The following CEP295NL variants were observed in gnomAD, a reference collection of about 807,000 sequenced individuals.
CEP295NL encodes protein DDC8 homolog.
A neutral mutation model predicts 4.6 loss-of-function variants in CEP295NL; 3 were observed. That is an observed-to-expected ratio of 0.65 (90% CI 0.30 to 1.69). The LOEUF is 1.69. Among genes scored for constraint, CEP295NL ranks in the 40% most tolerant of loss-of-function variants. The pLI is 0.10. For synonymous variants in CEP295NL, 295 were observed against 312.2 expected (o/e 0.94, Z 0.58); for missense variants, 719 against 769.0 (o/e 0.93, Z 0.77).
At chr17:78,901,499 T>G (rs1478691014) in intron 2 of CEP295NL, among the ~76,000 whole-genome samples, 1 of 151,776 alleles carries the variant, frequency 6.6e-6, no homozygotes, top group Non-Finnish European at 1.5e-5. Context: ...AGGAGGAGAA[T>G]GAACTCCTTT....
chr17:78,891,870 G>A lies in CEP295NL; in HGVS notation c.634C>T (p.Arg212Trp), dbSNP rs935785248. The change falls in exon 3 of 3, where the codon CGG becomes TGG. Residue 212 changes from arginine (R) to tryptophan (W), a missense_variant. Physicochemically the swap from Arg to Trp is moderately radical, Grantham distance 101. Transcript: ENST00000322630. This position sits in a 1 kb window ranked among gnomAD's most constrained non-coding sequence, Gnocchi z 4.5. ...EKPQTTKATG[R>W]MNSHLAPPEK... Reference sequence around the variant, plus strand: ...GGCGGGGCCAGGTGAGAATTCATCCGACCCGTGGCTTTTGTAGTCTGTGGT... The same window carrying A: ...GGCGGGGCCAGGTGAGAATTCATCCAACCCGTGGCTTTTGTAGTCTGTGGT... 37 of 1,550,534 alleles carry A rather than the reference G, an allele frequency of 2.4e-5. No individual in the cohort carries two copies. The highest frequency in any genetic ancestry group is 7.3e-5 in the East Asian group (3 of 40,926).
chr17:78,900,764 GA>G (rs1246636055), intron 2 of CEP295NL, among the ~76,000 whole-genome samples: 1 of 152,120 alleles, frequency 6.6e-6, no homozygotes, highest in Non-Finnish European at 1.5e-5. Flanking sequence ...AATCTTACAA[GA>G]TAAAAAAAGG....
intron 2 of CEP295NL, chr17:78,899,349 A>C (rs9890542): frequency 0.52 from 78,802 of 152,268 alleles, 20,644 homozygotes; most frequent in African/African-American, 0.59. Flanking sequence ...TCTAACTGAG[A>C]GACCTGGGTT....
chr17:78,902,170 G>A (rs1041441822), intron 1 of CEP295NL, among the ~76,000 whole-genome samples: 2 of 152,158 alleles, frequency 1.3e-5, no homozygotes, highest in Admixed American at 1.3e-4. Flanking sequence ...GCAGTGGTGC[G>A]ATCTCAGCTT....
In CEP295NL at chr17:78,891,024, C is replaced by T; in HGVS notation, c.1480G>A (p.Asp494Asn). ...CTGGATGCCGTCGAGCCCACTCTGT[C>T]TGCCTGGTCTTGAAGGTGGAGCTGA... ...SLQLHLQDQA[D>N]RVGSTASRQR... Residue 494 changes from aspartate to asparagine, a missense_variant, in exon 3 of 3, where the codon GAC (aspartate) becomes AAC (asparagine). Transcript: ENST00000322630. The surrounding 1 kb of genome is among the most constrained non-coding windows in gnomAD (Gnocchi z 4.5). The T allele has an allele frequency of 6.4e-7, 1 of 1,551,240 alleles. No individual in the cohort carries two copies. Among genetic ancestry groups the T allele is most frequent in the East Asian group, 2.4e-5 (1 of 40,926 alleles).
chr17:78,897,009 C>T (rs1309464983), intron 2 of CEP295NL: 6 of 985,244 alleles, frequency 6.1e-6, no homozygotes, highest in African/African-American at 5.2e-5. Context: ...CCTGGGCGGC[C>T]GCTCAGACAG....
In CEP295NL at chr17:78,891,664, T is replaced by G; in HGVS notation, c.840A>C (p.Gln280His). 6.4e-7 allele frequency: 1 copy of G among 1,551,072 alleles called. No homozygotes were observed. The highest frequency in any genetic ancestry group is 8.7e-7 in the Non-Finnish European group (1 of 1,147,106). ...EKGTARAGRR[Q>H]LGKGAVCFVP... is the part of the protein sequence containing the mutation. ...CAAAGCAAACTGCCCCCTTTCCCAG[T>G]TGCCTCCTCCCCGCCCGAGCTGTTC... Residue 280 changes from glutamine (Q) to histidine (H), a missense_variant, in exon 3 of 3, where the codon CAA becomes CAC. Coordinates refer to ENST00000322630, the MANE Select transcript of CEP295NL (RefSeq NM_001243540.2). The surrounding 1 kb of genome is among the most constrained non-coding windows in gnomAD (Gnocchi z 4.5).
intron 2 of CEP295NL, among the ~76,000 whole-genome samples, chr17:78,901,532 A>C (rs1316260495): frequency 6.6e-6 from 1 of 152,134 alleles, no homozygotes; most frequent in African/African-American, 2.4e-5. Context: ...CCCACTGACC[A>C]AAGGTCCTAG....
Position 78,891,149 on chromosome 17 carries a change from G to A in CEP295NL, c.1355C>T (p.Pro452Leu). 1.3e-6 allele frequency: 2 copies of A among 1,550,648 alleles called. No individual in the cohort carries two copies. The highest frequency in any genetic ancestry group is 3.9e-5 in the Admixed American group (2 of 51,000). ...TFRNGSQTLS[P>L]EAGIFINKED... ...TTTGTTGATAAATATACCTGCCTCGGGAGACAATGTTTGACTTCCATTTCT... is the reference window on the plus strand; with the variant it reads ...TTTGTTGATAAATATACCTGCCTCGAGAGACAATGTTTGACTTCCATTTCT... The change falls in exon 3 of 3, where the codon CCC (proline) becomes CTC (leucine). Residue 452 changes from proline to leucine, a missense_variant. Coordinates refer to ENST00000322630, the MANE Select transcript of CEP295NL (RefSeq NM_001243540.2). This position sits in a 1 kb window ranked among gnomAD's most constrained non-coding sequence, Gnocchi z 4.5.
rs2069903381 is a variant in CEP295NL at position 78,891,919 on chromosome 17, C to T, written c.585G>A (p.Arg195=). The T allele has an allele frequency of 1.3e-6, 2 of 1,550,468 alleles. No homozygotes were observed. Among genetic ancestry groups the T allele is most frequent in the East Asian group, 2.4e-5 (1 of 40,936 alleles). Residue 195 remains arginine (R), a synonymous_variant, in exon 3 of 3, where the codon CGG becomes CGA. Transcript: ENST00000322630. The surrounding 1 kb of genome is among the most constrained non-coding windows in gnomAD (Gnocchi z 4.5). ...GTTTCTCTGGACTCGCTGCTGTCTT[C>T]CGGGGCCTGGAGTGCCTGGGGTGTT... ...GQQHPRHSRP[R]KTAASPEKPQ...
intron 2 of CEP295NL, among the ~76,000 whole-genome samples, chr17:78,893,060 T>TGTGTGCAGGAGTGTGTGCACGC (rs2069926828): frequency 1.3e-5 from 2 of 151,686 alleles, no homozygotes; most frequent in Non-Finnish European, 3.0e-5. Context: ...CAAGCATGTG[T>TGTGTGCAGGAGTGTGTGCACGC]GTGTGCAGGA....
chr17:78,899,231 G>A (rs1415121979), intron 2 of CEP295NL: 1 of 152,996 alleles, frequency 6.5e-6, no homozygotes, highest in Non-Finnish European at 1.5e-5. Flanking sequence ...CAGCAGCTCA[G>A]CCCTGATCAT....
In CEP295NL at chr17:78,891,121, C is replaced by T; in HGVS notation, c.1383G>A (p.Glu461=). ...SPEAGIFINK[E]DSLLYSTESG... The stretch of plus-strand genomic sequence containing the variant: ...ATTCAGTGCTATACAATAATGAGTC[C>T]TCTTTGTTGATAAATATACCTGCCT... The change falls in exon 3 of 3, where the codon GAG becomes GAA. Residue 461 remains glutamate (E), a synonymous_variant. Coordinates refer to ENST00000322630, the MANE Select transcript of CEP295NL (RefSeq NM_001243540.2). The surrounding 1 kb of genome is among the most constrained non-coding windows in gnomAD (Gnocchi z 4.5). 1 of 1,550,736 alleles carries T rather than the reference C, an allele frequency of 6.4e-7. No homozygotes were observed.
Position 78,892,214 on chromosome 17 carries a change from G to A in CEP295NL, c.290C>T (p.Ala97Val), listed in dbSNP as rs541240826. 16 of 1,550,978 alleles carry A rather than the reference G, an allele frequency of 1.0e-5. No homozygotes were observed. The highest frequency in any genetic ancestry group is 4.1e-5 in the African/African-American group (3 of 73,172). Residue 97 changes from alanine (A) to valine (V), a missense_variant, in exon 3 of 3, where the codon GCG becomes GTG. Ala to Val is a moderately conservative substitution (Grantham distance 64, BLOSUM62 0). Transcript: ENST00000322630. The stretch of plus-strand genomic sequence containing the variant: ...GTAGTTTTTCCACAGCTTGGCATCC[G>A]CTCTTCTCTGCAGAGCGAGATCGCC... ...GKGDLALQRR[A>V]DAKLWKNYQL... is the part of the protein sequence containing the mutation.
At position 78,901,872 on chromosome 17, in the gene CEP295NL, C is replaced by T; in HGVS notation, c.-44G>A. 1.5e-6 allele frequency: 1 copy of T among 679,936 alleles called. No individual in the cohort carries two copies. The highest frequency in any genetic ancestry group is 1.6e-5 in the South Asian group (1 of 64,192). The allele number at this position is 679,936 out of a possible 1,614,324, so 42.1% of individuals were successfully genotyped here. ...GACAGGAGGGCAGGAAGCACTGTCT[C>T]CAGGGCTGTCTTGAAATCACTGGGC... On this transcript the variant is annotated 5_prime_UTR_variant, in exon 2 of 3. It introduces an in-frame stop codon into an upstream open reading frame of the 5' UTR. Coordinates refer to ENST00000322630, the MANE Select transcript of CEP295NL (RefSeq NM_001243540.2).
chr17:78,901,402 C>G, intron 2 of CEP295NL: 1 of 256,442 alleles, frequency 3.9e-6, no homozygotes, highest in South Asian at 5.2e-5. Flanking sequence ...CAAATCTGAA[C>G]GAGGGAGAGG....
At chr17:78,897,691 T>C (rs1367765919) in intron 2 of CEP295NL, 3 of 152,222 alleles carry the variant, frequency 2.0e-5, no homozygotes, top group African/African-American at 7.2e-5. Flanking sequence ...CTGAGGACAA[T>C]GGCAGGACCC....
chr17:78,900,424 A>T (rs1329069825), intron 2 of CEP295NL, among the ~76,000 whole-genome samples: 1 of 152,116 alleles, frequency 6.6e-6, no homozygotes, highest in Admixed American at 6.6e-5. Context: ...ATATGCCTGT[A>T]ATCCCAGCTA....
Position 78,901,858 on chromosome 17 carries a change from A to T in CEP295NL, c.-30T>A. 1.4e-6 allele frequency: 1 copy of T among 703,854 alleles called. No homozygotes were observed. The highest frequency in any genetic ancestry group is 2.7e-6 in the Non-Finnish European group (1 of 376,918). 43.6% of individuals were successfully genotyped at this position (703,854 alleles called of 1,614,324 possible). A position where few individuals can be genotyped will look rare whatever the true frequency, so the allele number is the denominator to read the frequency against. Reference sequence around the variant, plus strand: ...GGGAGGCAGAAGCTGACAGGAGGGCAGGAAGCACTGTCTCCAGGGCTGTCT... The same window carrying T: ...GGGAGGCAGAAGCTGACAGGAGGGCTGGAAGCACTGTCTCCAGGGCTGTCT... On this transcript the variant is annotated 5_prime_UTR_variant, in exon 2 of 3. Transcript: ENST00000322630.
Sources: allele counts gnomAD v4.1 joint callset (sites outside exome capture counted in the v4.1 genomes callset), GRCh38; gene constraint gnomAD v4.1.1; non-coding constraint Gnocchi (gnomAD v3.1); transcripts MANE v1.5; gene names NCBI Gene and HGNC (gene_info 2026-07-23, HGNC 2026-07-21).